Variants in GAS7 observed in about 807,000 individuals in gnomAD.
GAS7 encodes the protein growth arrest specific 7.
Under a neutral mutation model 71.1 loss-of-function variants are expected in GAS7, and 28 were observed. That is an observed-to-expected ratio of 0.39 (90% CI 0.29 to 0.54). GAS7 has a LOEUF of 0.54. Among genes scored for constraint, GAS7 ranks in the 20% least tolerant of loss-of-function variants. The pLI, the probability that GAS7 is intolerant of heterozygous loss-of-function variation, is 0.62. For missense variants in GAS7, 436 were observed against 627.8 expected (o/e 0.69, Z 3.27); for synonymous variants, 258 against 245.8 (o/e 1.05, Z -0.46).
At chr17:9,950,650 G>T (rs2152103076) in intron 5 of GAS7, among the ~76,000 whole-genome samples, 1 of 152,248 alleles carries the variant, frequency 6.6e-6, no homozygotes. Context: ...AAGGTCAGAA[G>T]TTGGAGACCA....
At chr17:10,056,436 A>T (rs1419461366) in intron 1 of GAS7, among the ~76,000 whole-genome samples, 1 of 152,196 alleles carries the variant, frequency 6.6e-6, no homozygotes, top group Non-Finnish European at 1.5e-5. Flanking sequence ...TCAAGGCTGC[A>T]ATGAACTATG....
chr17:9,993,525 T>C (rs2070923407), intron 2 of GAS7, among the ~76,000 whole-genome samples: 1 of 152,132 alleles, frequency 6.6e-6, no homozygotes, highest in Admixed American at 6.6e-5. Context: ...TGATGGGACG[T>C]ATTTCAAAAT....
intron 1 of GAS7, among the ~76,000 whole-genome samples, chr17:10,079,015 G>T (rs2073427315): frequency 6.6e-6 from 1 of 152,178 alleles, no homozygotes; most frequent in East Asian, 1.9e-4. Flanking sequence ...ATCAGATGAT[G>T]GTGAAGAAAG....
intron 1 of GAS7, among the ~76,000 whole-genome samples, chr17:10,022,736 A>G (rs1291282553): frequency 1.3e-5 from 2 of 152,234 alleles, no homozygotes; most frequent in Admixed American, 6.5e-5. Flanking sequence ...GGCTTCACAC[A>G]GTCCGTCTAC....
chr17:10,154,913 T>TACACAC lies in GAS7; in HGVS notation c.183+43289_183+43294dup, dbSNP rs57604032. On this transcript the variant is annotated intron_variant, in intron 1 of 13. Coordinates refer to ENST00000432992, the MANE Select transcript of GAS7 (RefSeq NM_201433.2). ...ATTACCCCAATCCCCAACCCCAGGC[T>TACACAC]ACACACACACACACACACACACACA... is the stretch of plus-strand genomic sequence containing the variant. Among the ~76,000 whole-genome samples, 988 of 142,018 alleles carry TACACAC rather than the reference T, an allele frequency of 7.0e-3. 13 individuals are homozygous for TACACAC. Among genetic ancestry groups the TACACAC allele is most frequent in the East Asian group, 0.064 (299 of 4,666 alleles). 93.2% of individuals were successfully genotyped at this position (142,018 alleles called of 152,430 possible).
At chr17:10,061,947 G>A (rs1297148557) in intron 1 of GAS7, among the ~76,000 whole-genome samples, 8 of 152,122 alleles carry the variant, frequency 5.3e-5, no homozygotes, top group African/African-American at 1.4e-4. Flanking sequence ...GGCCAAGGAC[G>A]CTGCTAAACA....
At chr17:10,049,168 C>T (rs1220410956) in intron 1 of GAS7, among the ~76,000 whole-genome samples, 1 of 152,220 alleles carries the variant, frequency 6.6e-6, no homozygotes, top group Non-Finnish European at 1.5e-5. Flanking sequence ...TTCGTGTCCA[C>T]CAAAGCAACA....
intron 1 of GAS7, among the ~76,000 whole-genome samples, chr17:10,148,909 C>CTAAAAA (rs2074142752): frequency 1.5e-4 from 18 of 117,260 alleles, no homozygotes; most frequent in East Asian, 7.6e-4. Context: ...GACTCCGCCT[C>CTAAAAA]AAAAAAAAAA....
At chr17:9,975,199 C>CA (rs1203008461) in intron 3 of GAS7, among the ~76,000 whole-genome samples, 8 of 152,026 alleles carry the variant, frequency 5.3e-5, no homozygotes, top group South Asian at 2.1e-4. Flanking sequence ...TACTAAAATA[C>CA]AAAAAATTAG....
chr17:10,155,093 C>T (rs551290700), intron 1 of GAS7, among the ~76,000 whole-genome samples: 15 of 152,034 alleles, frequency 9.9e-5, no homozygotes, highest in African/African-American at 2.2e-4. Flanking sequence ...CGGCTCACTG[C>T]GACCTCCGCC....
intron 1 of GAS7, among the ~76,000 whole-genome samples, chr17:10,030,720 C>A (rs1032338141): frequency 4.6e-5 from 7 of 152,208 alleles, no homozygotes; most frequent in African/African-American, 1.7e-4. Flanking sequence ...TGTCCTCCGG[C>A]CTCTTCCAAA....
rs543544656 is a variant in GAS7, at chr17:10,019,446, G to T, written c.304+331C>A. Among the ~76,000 whole-genome samples the T allele has an allele frequency of 1.8e-4, 28 of 152,182 alleles. No individual in the cohort carries two copies. The South Asian group carries it at 5.0e-3, about 27-fold the overall frequency. On this transcript the variant is annotated intron_variant, in intron 2 of 13. Coordinates refer to ENST00000432992, the MANE Select transcript of GAS7 (RefSeq NM_201433.2). The stretch of plus-strand genomic sequence containing the variant: ...TTATTCAAGCCAGCTGTTGACCATA[G>T]AACCTTTTGAGACACCCTTCAGAAA...
chr17:10,051,444 G>C (rs537605352), intron 1 of GAS7, among the ~76,000 whole-genome samples: 1 of 152,336 alleles, frequency 6.6e-6, no homozygotes, highest in South Asian at 2.1e-4. Flanking sequence ...TCTCATCAAT[G>C]GCTTTGCGGG....
chr17:10,151,827 C>T (rs778870776), intron 1 of GAS7, among the ~76,000 whole-genome samples: 60 of 152,160 alleles, frequency 3.9e-4, no homozygotes, highest in Admixed American at 2.6e-3. Flanking sequence ...ATTACAAGCA[C>T]GAGCCACCAT....
At chr17:9,971,579 G>A (rs867213587) in intron 3 of GAS7, among the ~76,000 whole-genome samples, 1 of 152,114 alleles carries the variant, frequency 6.6e-6, no homozygotes, top group Admixed American at 6.5e-5. Context: ...AAAAGTGGGG[G>A]AGCAGAGGCA....
chr17:9,927,454 T>G (rs986013713), intron 9 of GAS7, among the ~76,000 whole-genome samples: 1 of 150,764 alleles, frequency 6.6e-6, no homozygotes, highest in South Asian at 2.1e-4. Context: ...CACTTCAGCC[T>G]GGGTGACAGA....
intron 1 of GAS7, among the ~76,000 whole-genome samples, chr17:10,142,223 A>AC (rs1460578303): frequency 6.6e-6 from 1 of 151,884 alleles, no homozygotes; most frequent in African/African-American, 2.4e-5. Context: ...CTCAAAAAAA[A>AC]AAAACAAAAA....
intron 1 of GAS7, among the ~76,000 whole-genome samples, chr17:10,041,145 G>C (rs772497246): frequency 3.0e-5 from 4 of 134,618 alleles, no homozygotes; most frequent in African/African-American, 5.8e-5. Context: ...CTGAGTGACA[G>C]AGCAAGACTG....
chr17:9,947,617 G>T (rs769974973), intron 5 of GAS7, among the ~76,000 whole-genome samples: 3 of 152,088 alleles, frequency 2.0e-5, no homozygotes, highest in Non-Finnish European at 2.9e-5. Context: ...AGTGGCGCAT[G>T]CGTGTAATCC....
Sources: gnomAD v4.1 joint callset for allele counts (sites outside exome capture counted in the v4.1 genomes callset) on GRCh38, gnomAD v4.1.1 for gene constraint, MANE v1.5 for transcripts, NCBI Gene and HGNC (gene_info 2026-07-23, HGNC 2026-07-21) for gene names.